Variants in MBNL1 observed in about 807,000 individuals in gnomAD.
MBNL1 encodes the protein muscleblind-like protein 1.
A neutral mutation model predicts 42.2 loss-of-function variants in MBNL1; 8 were observed. That is an observed-to-expected ratio of 0.19 (90% CI 0.11 to 0.34). The LOEUF (loss-of-function observed/expected upper bound fraction) is 0.34, where lower values mean the gene tolerates loss of function less well. MBNL1 is among the 10% of genes least tolerant of loss of function. The probability of loss-of-function intolerance (pLI) is 1.00; values close to 1 mark genes in which losing one functional copy is unlikely to be tolerated. For synonymous variants in MBNL1, 169 were observed against 173.9 expected (o/e 0.97, Z 0.22); for missense variants, 309 against 495.3 (o/e 0.62, Z 3.57).
Position 152,289,482 on chromosome 3 carries a change from C to T in MBNL1, c.-789-9923C>T, listed in dbSNP as rs535979286. Among the ~76,000 whole-genome samples, 78 of 151,860 alleles carry T rather than the reference C, an allele frequency of 5.1e-4. 1 individual carries two copies. Among genetic ancestry groups the T allele is most frequent in the Non-Finnish European group, 9.6e-4 (65 of 67,864 alleles). On this transcript the variant is annotated intron_variant, in intron 1 of 9. Coordinates refer to ENST00000324210, the MANE Select transcript of MBNL1 (RefSeq NM_021038.5). ...GTCAATGCATGTCTTTGTTTTGTGGCGTATCTTAGTCTTTTAAACCAGGGA... is the reference window on the plus strand; with the variant it reads ...GTCAATGCATGTCTTTGTTTTGTGGTGTATCTTAGTCTTTTAAACCAGGGA...
intron 2 of MBNL1, among the ~76,000 whole-genome samples, chr3:152,337,005 T>A (rs1167311383): frequency 6.6e-6 from 1 of 152,012 alleles, no homozygotes; most frequent in Non-Finnish European, 1.5e-5. Context: ...AAATTGAGAG[T>A]TCCTAAATGA....
At position 152,448,031 on chromosome 3, in the gene MBNL1, T is replaced by C. The variant is rs537945034; in HGVS notation, c.961+258T>C. On this transcript the variant is annotated intron_variant, in intron 6 of 9. Transcript: ENST00000324210. Reference sequence around the variant, plus strand: ...GTTTGTGTAATTTGGAAATGAAATATAGTTCTCTTTTTTTCTCTTTCCTCA... The same window carrying C: ...GTTTGTGTAATTTGGAAATGAAATACAGTTCTCTTTTTTTCTCTTTCCTCA... Among the ~76,000 whole-genome samples the C allele has an allele frequency of 5.9e-5, 9 of 152,332 alleles. No individual in the cohort carries two copies. In the South Asian group the frequency reaches 1.9e-3, roughly 32 times the overall value.
chr3:152,374,933 TTTTA>T (rs2096833757), intron 2 of MBNL1, among the ~76,000 whole-genome samples: 1 of 152,224 alleles, frequency 6.6e-6, no homozygotes, highest in South Asian at 2.1e-4. Flanking sequence ...TATTTTCATA[TTTTA>T]TTTATGTGGC....
chr3:152,384,579 A>C (rs560345441), intron 2 of MBNL1, among the ~76,000 whole-genome samples: 2 of 152,252 alleles, frequency 1.3e-5, no homozygotes, highest in Non-Finnish European at 2.9e-5. Flanking sequence ...AATAGATTGC[A>C]GTGAGCATAT....
chr3:152,245,950 G>A (rs1002408237), intron 2 of MBNL1, among the ~76,000 whole-genome samples: 2 of 151,984 alleles, frequency 1.3e-5, no homozygotes, highest in African/African-American at 4.8e-5. Context: ...TCAGGTCTAG[G>A]GGCTCAAGCC....
chr3:152,328,759 A>G (rs1383568307), intron 2 of MBNL1, among the ~76,000 whole-genome samples: 4 of 152,184 alleles, frequency 2.6e-5, no homozygotes, highest in Non-Finnish European at 5.9e-5. Context: ...TGTTAATTCT[A>G]AAACTTACAC....
Position 152,459,131 on chromosome 3 carries a change from T to G in MBNL1, c.1093-140T>G, listed in dbSNP as rs1739847379. 5.5e-5 allele frequency: 25 copies of G among 452,302 alleles called. No homozygotes were observed. The East Asian group carries it at 8.7e-4, about 16-fold the overall frequency. 28.0% of individuals were successfully genotyped at this position (452,302 alleles called of 1,614,324 possible). A position where few individuals can be genotyped will look rare whatever the true frequency, so the allele number is the denominator to read the frequency against. On this transcript the variant is annotated intron_variant, in intron 8 of 9. Coordinates refer to ENST00000324210, the MANE Select transcript of MBNL1 (RefSeq NM_021038.5). ...GGCATTTAAGTTTACATTAACTTAC[T>G]GTTATGTTGACCAGATAAGGACTAT... is the stretch of plus-strand genomic sequence containing the variant.
At chr3:152,286,056 G>T (rs956487361) in intron 1 of MBNL1, among the ~76,000 whole-genome samples, 1 of 151,508 alleles carries the variant, frequency 6.6e-6, no homozygotes, top group Admixed American at 6.6e-5. Flanking sequence ...CTTTTTAAGG[G>T]GCATTATGTA....
At chr3:152,321,298 C>G (rs1375886671) in intron 2 of MBNL1, among the ~76,000 whole-genome samples, 1 of 152,064 alleles carries the variant, frequency 6.6e-6, no homozygotes, top group Non-Finnish European at 1.5e-5. Flanking sequence ...GTAACAAATG[C>G]TACAATCACC....
chr3:152,458,207 C>A lies in MBNL1; in HGVS notation c.1093-1064C>A, dbSNP rs1737614632. 4 of 1,612,840 alleles carry A rather than the reference C, an allele frequency of 2.5e-6. No homozygotes were observed. The South Asian group carries it at 4.4e-5, about 18-fold the overall frequency. ...GCAGGAAAAATGGTATGAGAAGCTTCATTATGCTTGGAGCACATTTTCGTG... is the reference window on the plus strand; with the variant it reads ...GCAGGAAAAATGGTATGAGAAGCTTAATTATGCTTGGAGCACATTTTCGTG... On this transcript the variant is annotated intron_variant, in intron 8 of 9. Transcript: ENST00000324210.
chr3:152,296,846 A>G (rs2058726660), intron 1 of MBNL1, among the ~76,000 whole-genome samples: 1 of 117,492 alleles, frequency 8.5e-6, no homozygotes, highest in Non-Finnish European at 1.8e-5. Flanking sequence ...TTGGAACTCC[A>G]TCTATTTTGC....
At chr3:152,390,120 G>A (rs1421371723) in intron 2 of MBNL1, among the ~76,000 whole-genome samples, 4 of 150,132 alleles carry the variant, frequency 2.7e-5, no homozygotes, top group East Asian at 1.9e-4. Context: ...CACCTGCTTC[G>A]GCCTCCCAAA....
intron 8 of MBNL1, chr3:152,457,959 TAC>T: frequency 1.8e-6 from 1 of 569,400 alleles, no homozygotes; most frequent in South Asian, 2.3e-5. Flanking sequence ...GATATATATA[TAC>T]ACACATATAT....
chr3:152,399,380 G>A (rs80065196), intron 2 of MBNL1, among the ~76,000 whole-genome samples: 3,741 of 151,818 alleles, frequency 0.025, 60 homozygotes, highest in Middle Eastern at 0.058. Context: ...TAATTGTTCT[G>A]CTTTCTCTTT....
chr3:152,261,548 A>C (rs181181248), intron 2 of MBNL1, among the ~76,000 whole-genome samples: 1 of 152,252 alleles, frequency 6.6e-6, no homozygotes, highest in Admixed American at 6.5e-5. Context: ...CTTAGTGTGA[A>C]TGACTTTAAT....
At chr3:152,262,350 C>T (rs1411377735) in intron 2 of MBNL1, among the ~76,000 whole-genome samples, 3 of 152,106 alleles carry the variant, frequency 2.0e-5, no homozygotes, top group African/African-American at 2.4e-5. Flanking sequence ...CTCTTTAGAA[C>T]ATCTTTCGAG....
At chr3:152,364,323 G>T (rs2096218675) in intron 2 of MBNL1, among the ~76,000 whole-genome samples, 1 of 151,944 alleles carries the variant, frequency 6.6e-6, no homozygotes, top group Non-Finnish European at 1.5e-5. Flanking sequence ...TTGTGTTTTT[G>T]TTATCAGCAA....
chr3:152,306,690 A>G (rs2063330386), intron 2 of MBNL1, among the ~76,000 whole-genome samples: 1 of 152,180 alleles, frequency 6.6e-6, no homozygotes, highest in African/African-American at 2.4e-5. Context: ...TAGGTAAGAC[A>G]GAAGGGGAGA....
At chr3:152,334,348 A>G (rs1054868175) in intron 2 of MBNL1, among the ~76,000 whole-genome samples, 2 of 152,184 alleles carry the variant, frequency 1.3e-5, no homozygotes, top group African/African-American at 4.8e-5. Context: ...TTTTATATCT[A>G]TAGGATTTTA....
Sources: allele counts gnomAD v4.1 joint callset (sites outside exome capture counted in the v4.1 genomes callset), GRCh38; gene constraint gnomAD v4.1.1; transcripts MANE v1.5; gene names NCBI Gene and HGNC (gene_info 2026-07-23, HGNC 2026-07-21).